The following FAM53A variants were observed in gnomAD, a reference collection of about 807,000 sequenced individuals.
The protein encoded by FAM53A is protein FAM53A.
Under a neutral mutation model 26.6 loss-of-function variants are expected in FAM53A, and 28 were observed. That is an observed-to-expected ratio of 1.05 (90% confidence interval 0.78 to 1.45). FAM53A has a LOEUF of 1.45. Among genes scored for constraint, FAM53A ranks in the 40% most tolerant of loss-of-function variants. The pLI is 0.00. For synonymous variants in FAM53A, 290 were observed against 253.1 expected (o/e 1.15, Z -1.38); for missense variants, 650 against 575.8 (o/e 1.13, Z -1.32).
the FAM53A span, among the ~76,000 whole-genome samples, chr4:1,589,258 A>T: frequency 6.6e-6 from 1 of 152,206 alleles, no homozygotes. Context: ...CTTCCCCTCT[A>T]GTCCATTCAC....
chr4:1,589,996 A>G, the FAM53A span, among the ~76,000 whole-genome samples: 1 of 151,174 alleles, frequency 6.6e-6, no homozygotes, highest in Non-Finnish European at 1.5e-5. Flanking sequence ...TTTATTTTTG[A>G]CTTTTGTTTG....
the FAM53A span, among the ~76,000 whole-genome samples, chr4:1,597,571 G>T: frequency 6.6e-6 from 1 of 152,144 alleles, no homozygotes; most frequent in African/African-American, 2.4e-5. Context: ...GCACAGTGTG[G>T]GTCCCTAAAC....
downstream of FAM53A, among the ~76,000 whole-genome samples, chr4:1,615,533 C>G (rs376354843): frequency 2.5e-4 from 37 of 149,052 alleles, no homozygotes; most frequent in East Asian, 6.6e-3. Flanking sequence ...CCACGCCCAT[C>G]CCACCTGGGC....
At chr4:1,683,668 A>G (rs1466198893) in intron 1 of FAM53A, 2 of 152,232 alleles carry the variant, frequency 1.3e-5, no homozygotes, top group Non-Finnish European at 2.9e-5. Context: ...AAGAAGAGGC[A>G]CCAAGGATGC....
the FAM53A span, among the ~76,000 whole-genome samples, chr4:1,594,000 G>A: frequency 6.6e-6 from 1 of 152,184 alleles, no homozygotes; most frequent in African/African-American, 2.4e-5. Flanking sequence ...GCGGAAGGCC[G>A]ACCCGAGGGA....
intron 4 of FAM53A, among the ~76,000 whole-genome samples, chr4:1,642,617 C>T (rs775029186): frequency 6.6e-6 from 1 of 152,176 alleles, no homozygotes; most frequent in Non-Finnish European, 1.5e-5. Flanking sequence ...AGCTGGGGCA[C>T]GAGTCCATGG....
the FAM53A span, among the ~76,000 whole-genome samples, chr4:1,592,553 C>T: frequency 6.6e-6 from 1 of 152,138 alleles, no homozygotes; most frequent in Non-Finnish European, 1.5e-5. Context: ...TCCCGGGCGC[C>T]GGCCACACCC....
the FAM53A span, among the ~76,000 whole-genome samples, chr4:1,590,249 A>G: frequency 1.3e-5 from 2 of 152,092 alleles, no homozygotes; most frequent in Admixed American, 6.6e-5. Flanking sequence ...TATTATGCCA[A>G]TTCTTTGAAA....
chr4:1,624,532 C>T (rs1715195629), intron 1 of FAM53A, among the ~76,000 whole-genome samples: 1 of 152,162 alleles, frequency 6.6e-6, no homozygotes, highest in African/African-American at 2.4e-5. Context: ...ACTCCAGGGC[C>T]CCCATTCCAG....
At chr4:1,588,206 C>T in the FAM53A span, among the ~76,000 whole-genome samples, 1 of 152,184 alleles carries the variant, frequency 6.6e-6, no homozygotes, top group Admixed American at 6.5e-5. Flanking sequence ...TTCCTAGGTC[C>T]TCAATTGTTT....
chr4:1,673,245 C>T lies in FAM53A; in HGVS notation c.-164-4340G>A, dbSNP rs1005861794. Among the ~76,000 whole-genome samples, 12 of 152,166 alleles carry T rather than the reference C, an allele frequency of 7.9e-5. No homozygotes were observed. The South Asian group carries it at 1.2e-3, about 16-fold the overall frequency. On this transcript the variant is annotated intron_variant, in intron 1 of 4. Coordinates refer to ENST00000308132, the MANE Select transcript of FAM53A (RefSeq NM_001174070.3). ...AGCACGTGACCCTGGGTCAGAAAAA[C>T]GGCAGGGAGGACATGTCCCAAATCT...
the FAM53A span, among the ~76,000 whole-genome samples, chr4:1,597,778 A>G: frequency 2.0e-5 from 3 of 152,226 alleles, no homozygotes; most frequent in Non-Finnish European, 4.4e-5. Flanking sequence ...GGCAGATCAC[A>G]TGAGGTCAGG....
In FAM53A at chr4:1,653,322, C is replaced by T. The variant is rs927774231; in HGVS notation, c.882+1656G>A. On this transcript the variant is annotated intron_variant, in intron 4 of 4. Coordinates refer to ENST00000308132, the MANE Select transcript of FAM53A (RefSeq NM_001174070.3). ...GTCCACACTGAGCCCCATGCAGCCT[C>T]GATCACCAACTCACCCAACCACCTG... Among the ~76,000 whole-genome samples the T allele has an allele frequency of 4.6e-5, 7 of 152,220 alleles. No homozygotes were observed. In the South Asian group the frequency reaches 1.4e-3, roughly 31 times the overall value.
At chr4:1,637,583 C>T (rs375876808), downstream of FAM53A, among the ~76,000 whole-genome samples, 88 of 152,184 alleles carry the variant, frequency 5.8e-4, no homozygotes, top group African/African-American at 2.1e-3. Context: ...GGGACAGGAG[C>T]CCTGCAGTGG....
In FAM53A at chr4:1,674,998, G is replaced by A. The variant is rs550971663; in HGVS notation, c.-164-6093C>T. Reference sequence around the variant, plus strand: ...AGCCCAGAGATACAGAAACAGTGACGGATGGTGGCAGTGAGAAGGATGCCG... The same window carrying A: ...AGCCCAGAGATACAGAAACAGTGACAGATGGTGGCAGTGAGAAGGATGCCG... On this transcript the variant is annotated intron_variant, in intron 1 of 4. Transcript: ENST00000308132. 2.2e-4 allele frequency among the ~76,000 whole-genome samples: 34 copies of A among 152,148 alleles called. No individual in the cohort carries two copies. In the South Asian group the frequency reaches 6.2e-3, roughly 28 times the overall value.
At chr4:1,586,353 C>T in the FAM53A span, among the ~76,000 whole-genome samples, 1 of 151,878 alleles carries the variant, frequency 6.6e-6, no homozygotes, top group South Asian at 2.1e-4. Flanking sequence ...ACCACCATGC[C>T]CAGCTAATTT....
rs1317403012 is a variant in FAM53A at position 1,655,008 on chromosome 4, G to A, written c.852C>T (p.Arg284=). Residue 284 remains arginine (R), a synonymous_variant, in exon 4 of 5, where the codon CGC becomes CGT. Coordinates refer to ENST00000308132, the MANE Select transcript of FAM53A (RefSeq NM_001174070.3). ...RRREEDARWT[R]PSLDFLKMTQ... ...TCATTTTCAGGAAGTCCAAGGATGG[G>A]CGTGTCCACCTGGCGTCCTCCTCAC... 1.3e-6 allele frequency: 2 copies of A among 1,549,214 alleles called. No homozygotes were observed. The highest frequency in any genetic ancestry group is 8.7e-7 in the Non-Finnish European group (1 of 1,148,606).
chr4:1,668,819 T>C lies in FAM53A; in HGVS notation c.-78A>G. ...CATCAGACTTGCGAAGGCCCCAGCA[T>C]TGCTGGGTCAGCCAAATCTCAAGGT... On this transcript the variant is annotated 5_prime_UTR_variant, in exon 2 of 5. It removes an upstream start codon present in the reference 5' UTR. Transcript: ENST00000308132. 8.5e-6 allele frequency: 12 copies of C among 1,407,872 alleles called. No individual in the cohort carries two copies. The highest frequency in any genetic ancestry group is 1.2e-5 in the Non-Finnish European group (12 of 1,000,180). 87.2% of individuals were successfully genotyped at this position (1,407,872 alleles called of 1,614,324 possible).
chr4:1,627,060 G>A (rs549844483), intron 1 of FAM53A, among the ~76,000 whole-genome samples: 3 of 152,322 alleles, frequency 2.0e-5, no homozygotes, highest in East Asian at 3.9e-4. Context: ...AGGACCAAGC[G>A]TGGCCATGTG....
Sources: gnomAD v4.1 joint callset for allele counts (sites outside exome capture counted in the v4.1 genomes callset) on GRCh38, gnomAD v4.1.1 for gene constraint, MANE v1.5 for transcripts, NCBI Gene and HGNC (gene_info 2026-07-23, HGNC 2026-07-21) for gene names.